The following RGPD2 variants were observed in gnomAD, a reference collection of about 807,000 sequenced individuals.
RGPD2 encodes RANBP2-like and GRIP domain-containing protein 2.
A neutral mutation model predicts 36.0 loss-of-function variants in RGPD2; 2 were observed. That is an observed-to-expected ratio of 0.06 (90% CI 0.02 to 0.17). The LOEUF (loss-of-function observed/expected upper bound fraction) is 0.17, where lower values mean the gene tolerates loss of function less well. Ranked by LOEUF, RGPD2 falls within the 10% of genes least tolerant of loss-of-function variation. The pLI, the probability that RGPD2 is intolerant of heterozygous loss-of-function variation, is 1.00. For missense variants in RGPD2, 40 were observed against 464.3 expected, an observed-to-expected ratio of 0.09 and a Z score of 8.40; for synonymous variants, 19 against 163.8, an observed-to-expected ratio of 0.12 and a Z score of 6.75.
At chr2:87,827,360 C>G (rs1398069482), upstream of RGPD2, among the ~76,000 whole-genome samples, 6 of 152,040 alleles carry the variant, frequency 3.9e-5, no homozygotes, top group Admixed American at 3.9e-4. Flanking sequence ...ATAAAAAAAA[C>G]TTTTAAATCA....
the RGPD2 span, among the ~76,000 whole-genome samples, chr2:87,955,206 G>A: frequency 7.2e-6 from 1 of 139,138 alleles, no homozygotes; most frequent in African/African-American, 2.8e-5. Context: ...AGTAGAGACA[G>A]GGTTTCACCA....
At chr2:87,966,343 C>CTACAAATAAGCCA in the RGPD2 span, among the ~76,000 whole-genome samples, 1 of 146,524 alleles carries the variant, frequency 6.8e-6, no homozygotes, top group Non-Finnish European at 1.5e-5. Flanking sequence ...GTTAGAATTC[C>CTACAAATAAGCCA]TACAAAGGTA....
At chr2:87,870,312 A>G in the RGPD2 span, among the ~76,000 whole-genome samples, 1 of 152,280 alleles carries the variant, frequency 6.6e-6, no homozygotes, top group Non-Finnish European at 1.5e-5. Flanking sequence ...TATAGACCAA[A>G]GTCTATAGCT....
chr2:87,983,212 C>T, the RGPD2 span, among the ~76,000 whole-genome samples: 6 of 152,110 alleles, frequency 3.9e-5, no homozygotes, highest in Admixed American at 2.0e-4. Flanking sequence ...CCCAGCTACT[C>T]GGGAGGCTGA....
chr2:87,977,958 A>G, the RGPD2 span, among the ~76,000 whole-genome samples: 1 of 150,422 alleles, frequency 6.6e-6, no homozygotes, highest in Non-Finnish European at 1.5e-5. Context: ...TCTACTAAAA[A>G]TACAAAAAAT....
At chr2:87,849,793 TCA>T in the RGPD2 span, among the ~76,000 whole-genome samples, 1 of 146,534 alleles carries the variant, frequency 6.8e-6, no homozygotes, top group Non-Finnish European at 1.5e-5. Context: ...CTAGTATTAG[TCA>T]GTCAGCATGC....
chr2:87,825,740 A>G lies in RGPD2; in HGVS notation c.-11T>C, dbSNP rs1282104320. On this transcript the variant is annotated 5_prime_UTR_variant, in exon 1 of 23. Transcript: ENST00000398146. Reference sequence around the variant, plus strand: ...TTTGCTGCGCCTCATCGCACCGCCAACCTGGCTCCCGAGACGCGTGAAACC... The same window carrying G: ...TTTGCTGCGCCTCATCGCACCGCCAGCCTGGCTCCCGAGACGCGTGAAACC... The G allele has an allele frequency of 1.9e-6, 3 of 1,595,650 alleles. No individual in the cohort carries two copies. Among genetic ancestry groups the G allele is most frequent in the Admixed American group, 1.7e-5 (1 of 58,754 alleles).
the RGPD2 span, among the ~76,000 whole-genome samples, chr2:87,834,948 A>G: frequency 1.3e-5 from 2 of 148,406 alleles, no homozygotes; most frequent in South Asian, 4.4e-4. Flanking sequence ...GCTGTATATG[A>G]TCAATTGATT....
At chr2:87,915,660 GTA>G in the RGPD2 span, among the ~76,000 whole-genome samples, 1 of 142,986 alleles carries the variant, frequency 7.0e-6, no homozygotes, top group Admixed American at 7.1e-5. Context: ...ATATATGTGT[GTA>G]TATATATATA....
chr2:87,960,328 C>G, the RGPD2 span, among the ~76,000 whole-genome samples: 2 of 87,608 alleles, frequency 2.3e-5, no homozygotes, highest in Non-Finnish European at 4.4e-5. Context: ...CTCCATTATT[C>G]TAAGTGGGTT....
the RGPD2 span, among the ~76,000 whole-genome samples, chr2:87,955,250 G>A: frequency 6.8e-6 from 1 of 147,978 alleles, no homozygotes; most frequent in Non-Finnish European, 1.5e-5. Context: ...TCCTGACCTC[G>A]TGATCCACCC....
the RGPD2 span, among the ~76,000 whole-genome samples, chr2:87,866,138 AT>A: frequency 7.3e-6 from 1 of 136,914 alleles, no homozygotes; most frequent in Non-Finnish European, 1.6e-5. Context: ...GGATACTCGT[AT>A]TACATAATAA....
the RGPD2 span, among the ~76,000 whole-genome samples, chr2:87,913,856 A>T: frequency 6.6e-6 from 1 of 152,142 alleles, no homozygotes; most frequent in South Asian, 2.1e-4. Flanking sequence ...AATACTTTAG[A>T]GTTAATAATT....
At chr2:87,880,782 C>T in the RGPD2 span, among the ~76,000 whole-genome samples, 1 of 57,272 alleles carries the variant, frequency 1.7e-5, no homozygotes, top group African/African-American at 8.0e-5. Flanking sequence ...TCAATAGGAC[C>T]CAAATTGTCA....
chr2:87,877,301 T>C, the RGPD2 span, among the ~76,000 whole-genome samples: 1 of 152,222 alleles, frequency 6.6e-6, no homozygotes, highest in Non-Finnish European at 1.5e-5. Flanking sequence ...ATTGTGCCAT[T>C]GGTCTTTGTA....
intron 20 of RGPD2, among the ~76,000 whole-genome samples, chr2:87,781,464 G>GTTTTTTT (rs879124297): frequency 6.2e-5 from 7 of 112,608 alleles, no homozygotes; most frequent in East Asian, 2.6e-4. Flanking sequence ...TTGTTTTTTT[G>GTTTTTTT]TTTTTTTTTT....
At chr2:87,911,749 G>A in the RGPD2 span, among the ~76,000 whole-genome samples, 340 of 152,176 alleles carry the variant, frequency 2.2e-3, no homozygotes, top group Non-Finnish European at 4.1e-3. Context: ...CAGTATTTTA[G>A]TATTTGCTGT....
chr2:87,964,313 A>C, the RGPD2 span, among the ~76,000 whole-genome samples: 1 of 152,132 alleles, frequency 6.6e-6, no homozygotes, highest in African/African-American at 2.4e-5. Flanking sequence ...TTAATGTCCA[A>C]TGTCATATAT....
chr2:87,772,907 TG>T (rs1458141697), intron 21 of RGPD2, among the ~76,000 whole-genome samples: 1 of 143,704 alleles, frequency 7.0e-6, no homozygotes, highest in Non-Finnish European at 1.5e-5. Context: ...GAAATGGAGT[TG>T]AAAGCTGGGG....
Sources: allele counts gnomAD v4.1 joint callset (sites outside exome capture counted in the v4.1 genomes callset), GRCh38; gene constraint gnomAD v4.1.1; transcripts MANE v1.5; gene names NCBI Gene and HGNC (gene_info 2026-07-23, HGNC 2026-07-21).